The following ADAM23 variants were observed in gnomAD, a reference collection of about 807,000 sequenced individuals.
The protein encoded by ADAM23 is ADAM metallopeptidase domain 23, also known as disintegrin and metalloproteinase domain-containing protein 23.
In ADAM23, 33 loss-of-function variants were observed where a neutral mutation model predicts 120.1. The ratio of observed to expected loss-of-function variants is 0.27; its 90% CI spans 0.21 to 0.37. The LOEUF (loss-of-function observed/expected upper bound fraction) is 0.37. Among genes scored for constraint, ADAM23 ranks in the 10% least tolerant of loss-of-function variants. The probability of loss-of-function intolerance (pLI) is 1.00; values close to 1 mark genes in which losing one functional copy is unlikely to be tolerated. For missense variants in ADAM23, 862 were observed against 1,058.2 expected (o/e 0.81, Z 2.57); for synonymous variants, 367 against 375.2 (o/e 0.98, Z 0.25).
chr2:206,513,026 T>G (rs1388737493), intron 3 of ADAM23, among the ~76,000 whole-genome samples: 1 of 152,168 alleles, frequency 6.6e-6, no homozygotes, highest in Non-Finnish European at 1.5e-5. Context: ...ATGTCCTGGC[T>G]TCTCCACTGA....
chr2:206,462,090 AACAG>A (rs1034053530), intron 2 of ADAM23, among the ~76,000 whole-genome samples: 5 of 152,182 alleles, frequency 3.3e-5, no homozygotes, highest in Non-Finnish European at 7.3e-5. Flanking sequence ...GAAGTCCAGA[AACAG>A]ACAGTCTCTG....
At chr2:206,549,253 A>T (rs1228210097) in intron 8 of ADAM23, among the ~76,000 whole-genome samples, 1 of 151,368 alleles carries the variant, frequency 6.6e-6, no homozygotes, top group Non-Finnish European at 1.5e-5. Context: ...TATGATAATT[A>T]TGGATACATT....
intron 25 of ADAM23, among the ~76,000 whole-genome samples, chr2:206,610,349 ATTGC>A (rs1203578839): frequency 6.6e-6 from 1 of 152,200 alleles, no homozygotes; most frequent in Non-Finnish European, 1.5e-5. Flanking sequence ...GTGGATGTAA[ATTGC>A]TTGTATCTGT....
chr2:206,513,611 A>G (rs1473208577), intron 3 of ADAM23, among the ~76,000 whole-genome samples: 2 of 152,246 alleles, frequency 1.3e-5, no homozygotes, highest in African/African-American at 4.8e-5. Context: ...CAAGTTATCC[A>G]GAACATCTAG....
chr2:206,535,838 A>C (rs1697160951), intron 4 of ADAM23, among the ~76,000 whole-genome samples: 1 of 152,176 alleles, frequency 6.6e-6, no homozygotes. Context: ...ACTGATTGCT[A>C]ATGGTTACAG....
intron 3 of ADAM23, among the ~76,000 whole-genome samples, chr2:206,509,425 G>A (rs932075780): frequency 8.6e-5 from 13 of 151,778 alleles, no homozygotes; most frequent in African/African-American, 3.1e-4. Flanking sequence ...TATTTTTCAG[G>A]GGGAGATTAT....
chr2:206,584,351 G>A (rs1021325024), intron 18 of ADAM23, among the ~76,000 whole-genome samples: 9 of 152,314 alleles, frequency 5.9e-5, no homozygotes, highest in African/African-American at 2.2e-4. Context: ...CCACAAGGTC[G>A]TGCTTTCCAG....
intron 6 of ADAM23, among the ~76,000 whole-genome samples, chr2:206,545,261 G>A (rs1022139218): frequency 2.0e-5 from 3 of 152,148 alleles, no homozygotes; most frequent in African/African-American, 7.2e-5. Flanking sequence ...GCTGAGGTGC[G>A]CAGATCACGA....
intron 10 of ADAM23, 152 bp downstream of exon 10, chr2:206,557,650 G>A: frequency 2.8e-6 from 2 of 713,002 alleles, no homozygotes; most frequent in Non-Finnish European, 4.9e-6. Flanking sequence ...CCGCTTCACA[G>A]AGTAGTGCTC....
At chr2:206,595,873 A>G (rs1449454708) in intron 23 of ADAM23, among the ~76,000 whole-genome samples, 178 bp from the exon 24 acceptor site, 4 of 152,176 alleles carry the variant, frequency 2.6e-5, no homozygotes, top group Non-Finnish European at 5.9e-5. Flanking sequence ...AAAATGTTAC[A>G]CAATTTGATC....
At chr2:206,533,280 C>T (rs1419161882) in intron 4 of ADAM23, among the ~76,000 whole-genome samples, 2 of 152,124 alleles carry the variant, frequency 1.3e-5, no homozygotes, top group Non-Finnish European at 2.9e-5. Context: ...CGGCTCACTG[C>T]AACCTCCACC....
chr2:206,592,162 G>T (rs1178428683), intron 21 of ADAM23, among the ~76,000 whole-genome samples: 2 of 152,172 alleles, frequency 1.3e-5, no homozygotes, highest in Non-Finnish European at 1.5e-5. Context: ...GGATACAAAA[G>T]CTACACATTC....
At chr2:206,511,076 C>A (rs1696613099) in intron 3 of ADAM23, among the ~76,000 whole-genome samples, 1 of 152,064 alleles carries the variant, frequency 6.6e-6, no homozygotes, top group Non-Finnish European at 1.5e-5. Context: ...CATCTCTATA[C>A]CATTTTATCA....
At chr2:206,560,154 G>T (rs770597877) in intron 11 of ADAM23, 36 bp downstream of exon 11, 3 of 1,584,988 alleles carry the variant, frequency 1.9e-6, no homozygotes, top group African/African-American at 2.7e-5. Flanking sequence ...GTAGTCTTTG[G>T]TCTGACATTT....
chr2:206,529,892 A>G (rs143319598), intron 3 of ADAM23, among the ~76,000 whole-genome samples: 11,583 of 151,582 alleles, frequency 0.076, 564 homozygotes, highest in Admixed American at 0.13. Context: ...GCTCACTGCA[A>G]CCTCCGCCTC....
intron 2 of ADAM23, among the ~76,000 whole-genome samples, chr2:206,477,917 TATATAA>T (rs1695816477): frequency 1.4e-5 from 2 of 140,476 alleles, no homozygotes; most frequent in South Asian, 2.2e-4. Flanking sequence ...TATATATATA[TATATAA>T]AACAACAATG....
intron 3 of ADAM23, among the ~76,000 whole-genome samples, chr2:206,521,981 A>G (rs1696852508): frequency 6.6e-6 from 1 of 152,072 alleles, no homozygotes. Flanking sequence ...CAGGTATTTT[A>G]TTGCTAGTGC....
rs1460627214 is a variant in ADAM23 at position 206,571,799 on chromosome 2, A to T, written c.1639A>T (p.Asn547Tyr). 1 of 1,613,880 alleles carries T rather than the reference A, an allele frequency of 6.2e-7. No individual in the cohort carries two copies. The highest frequency in any genetic ancestry group is 8.5e-7 in the Non-Finnish European group (1 of 1,179,870). Residue 547 changes from asparagine (N) to tyrosine (Y), a missense_variant, in exon 17 of 26, where the codon AAC becomes TAC. Physicochemically the swap from Asn to Tyr is moderately radical, Grantham distance 143. Coordinates refer to ENST00000264377, the MANE Select transcript of ADAM23 (RefSeq NM_003812.4). Reference sequence around the variant, plus strand: ...TCACTGCAGCGACGGGCCCTGCTGTAACAATACCTCATGTCTTGTGAGTTT... The same window carrying T: ...TCACTGCAGCGACGGGCCCTGCTGTTACAATACCTCATGTCTTGTGAGTTT... ...GAHCSDGPCC[N>Y]NTSCLFQPRG...
chr2:206,542,909 G>C (rs961803411), intron 5 of ADAM23, among the ~76,000 whole-genome samples: 2 of 152,160 alleles, frequency 1.3e-5, no homozygotes, highest in Non-Finnish European at 2.9e-5. Context: ...AGTTGTACAT[G>C]GTTCTGGAAT....
Sources: allele counts gnomAD v4.1 joint callset (sites outside exome capture counted in the v4.1 genomes callset), GRCh38; gene constraint gnomAD v4.1.1; transcripts MANE v1.5; gene names NCBI Gene and HGNC (gene_info 2026-07-23, HGNC 2026-07-21).